The following TBC1D30 variants were observed in gnomAD, a reference collection of about 807,000 sequenced individuals.
TBC1D30 encodes TBC1 domain family member 30, also known as TBC1 domain family, member 30.
TBC1D30 carries 31 observed loss-of-function variants against 63.2 expected under a neutral mutation model. That is an observed-to-expected ratio of 0.49 (90% CI 0.37 to 0.66). The LOEUF is 0.66. Ranked by LOEUF, TBC1D30 falls within the 30% of genes least tolerant of loss-of-function variation. The pLI is 0.00. For synonymous variants in TBC1D30, 307 were observed against 361.5 expected, an observed-to-expected ratio of 0.85 and a Z score of 1.71; for missense variants, 810 against 953.6, an observed-to-expected ratio of 0.85 and a Z score of 1.98.
intron 1 of TBC1D30, among the ~76,000 whole-genome samples, chr12:64,782,872 G>C (rs1871362347): frequency 6.6e-6 from 1 of 152,130 alleles, no homozygotes. Flanking sequence ...TATCATAATA[G>C]TCCTATACAC....
intron 10 of TBC1D30, among the ~76,000 whole-genome samples, chr12:64,867,596 GC>G (rs1878333165): frequency 6.6e-6 from 1 of 152,068 alleles, no homozygotes. Flanking sequence ...TTGCTCCCAT[GC>G]ATTGGATTCA....
At chr12:64,765,568 GAA>G (rs1464982745) in intron 1 of TBC1D30, among the ~76,000 whole-genome samples, 1 of 134,798 alleles carries the variant, frequency 7.4e-6, no homozygotes, top group Non-Finnish European at 1.6e-5. Context: ...ATGACCAGAA[GAA>G]AAAATTGTCA....
intron 11 of TBC1D30, among the ~76,000 whole-genome samples, chr12:64,874,363 C>A (rs1195176394): frequency 1.3e-5 from 2 of 152,200 alleles, no homozygotes; most frequent in Non-Finnish European, 2.9e-5. Context: ...GCTGGAATTA[C>A]AGGCATGAAC....
At chr12:64,767,848 G>T (rs1361316543) in intron 1 of TBC1D30, among the ~76,000 whole-genome samples, 4 of 149,578 alleles carry the variant, frequency 2.7e-5, no homozygotes, top group African/African-American at 7.4e-5. Context: ...TGGTACTTCA[G>T]TAAAGATTTT....
chr12:64,854,717 G>A (rs1241216805), intron 8 of TBC1D30, among the ~76,000 whole-genome samples: 5 of 152,020 alleles, frequency 3.3e-5, no homozygotes, highest in Admixed American at 2.6e-4. Flanking sequence ...GGATGGTCTC[G>A]CTCTCCTGAC....
chr12:64,815,035 A>G (rs1033508804), intron 2 of TBC1D30, among the ~76,000 whole-genome samples: 2 of 152,190 alleles, frequency 1.3e-5, no homozygotes, highest in East Asian at 3.8e-4. Context: ...AATTCAGGAG[A>G]CATGTACGTT....
intron 8 of TBC1D30, among the ~76,000 whole-genome samples, chr12:64,854,169 T>G (rs1398311327): frequency 6.6e-6 from 1 of 152,184 alleles, no homozygotes; most frequent in Admixed American, 6.6e-5. Flanking sequence ...TTTCCTTCGT[T>G]TCTGTCTTCC....
At chr12:64,828,820 GC>G (rs1386269898) in intron 3 of TBC1D30, among the ~76,000 whole-genome samples, 1 of 152,138 alleles carries the variant, frequency 6.6e-6, no homozygotes, top group Non-Finnish European at 1.5e-5. Context: ...GAAATAAAGA[GC>G]GTTTAGGAGA....
chr12:64,821,556 CCTG>C (rs755688366), upstream of TBC1D30, among the ~76,000 whole-genome samples: 2 of 152,134 alleles, frequency 1.3e-5, no homozygotes, highest in South Asian at 2.1e-4. Flanking sequence ...ACCAACTTGT[CCTG>C]CTGGATTTTC....
At chr12:64,794,169 T>C in intron 2 of TBC1D30, among the ~76,000 whole-genome samples, 1 of 152,166 alleles carries the variant, frequency 6.6e-6, no homozygotes. Flanking sequence ...TTATTTTTTT[T>C]CCCTTTAAGA....
chr12:64,825,826 C>T (rs1874285435), intron 1 of TBC1D30, among the ~76,000 whole-genome samples: 1 of 152,198 alleles, frequency 6.6e-6, no homozygotes, highest in Non-Finnish European at 1.5e-5. Context: ...TGGTGCTTGG[C>T]GCTCACCTGT....
chr12:64,845,476 C>T (rs1197406071), intron 8 of TBC1D30, among the ~76,000 whole-genome samples: 1 of 152,130 alleles, frequency 6.6e-6, no homozygotes, highest in Non-Finnish European at 1.5e-5. Context: ...CCTGTAATCC[C>T]AGCGCTTTGG....
intron 11 of TBC1D30, among the ~76,000 whole-genome samples, chr12:64,871,863 G>T (rs970465274): frequency 6.6e-6 from 1 of 152,118 alleles, no homozygotes; most frequent in African/African-American, 2.4e-5. Flanking sequence ...CTGATTCTTT[G>T]TACAGTCCCT....
intron 1 of TBC1D30, among the ~76,000 whole-genome samples, chr12:64,761,738 C>T (rs868249881): frequency 3.3e-5 from 5 of 152,236 alleles, no homozygotes; most frequent in African/African-American, 4.8e-5. Flanking sequence ...AAATGGGCAA[C>T]GAGTAGCCCT....
chr12:64,759,513 A>T, exon 1 of TBC1D30: 1 of 506,162 alleles, frequency 2.0e-6, no homozygotes, highest in African/African-American at 2.0e-5. Context: ...CGCAGCCTGG[A>T]GGGAGGCATC....
Position 64,818,487 on chromosome 12 carries a change from T to A in TBC1D30, c.644-9348T>A, listed in dbSNP as rs567857861. The A allele has an allele frequency of 1.1e-4, 86 of 755,156 alleles. No homozygotes were observed. The African/African-American group carries it at 1.5e-3, about 13-fold the overall frequency. The allele number at this position is 755,156 out of a possible 1,614,324, so 46.8% of individuals were successfully genotyped here. A position where few individuals can be genotyped will look rare whatever the true frequency, so the allele number is the denominator to read the frequency against. On this transcript the variant is annotated intron_variant, in intron 2 of 12. Transcript: ENST00000542120. ...TCGTGCTGTTGCCAGGCTGGAATGC[T>A]GGAATGCAGTGGCGCAATCCTGGCT...
chr12:64,848,294 C>G (rs1202689956), intron 8 of TBC1D30, among the ~76,000 whole-genome samples: 1 of 150,708 alleles, frequency 6.6e-6, no homozygotes, highest in Non-Finnish European at 1.5e-5. Context: ...CTTTAGTATA[C>G]TTTAAGTTCT....
intron 2 of TBC1D30, among the ~76,000 whole-genome samples, chr12:64,809,952 C>T (rs935707701): frequency 3.3e-5 from 5 of 152,162 alleles, no homozygotes; most frequent in African/African-American, 9.6e-5. Context: ...TTTTCTTCTT[C>T]GCTATTTCCT....
At chr12:64,802,167 G>T (rs1340554767) in intron 2 of TBC1D30, among the ~76,000 whole-genome samples, 2 of 152,190 alleles carry the variant, frequency 1.3e-5, no homozygotes, top group African/African-American at 4.8e-5. Context: ...GTTCTGTCCA[G>T]TATTGCCTCC....
Sources: gnomAD v4.1 joint callset for allele counts (sites outside exome capture counted in the v4.1 genomes callset) on GRCh38, gnomAD v4.1.1 for gene constraint, MANE v1.5 for transcripts, NCBI Gene and HGNC (gene_info 2026-07-23, HGNC 2026-07-21) for gene names.